C8orf34: variants seen among roughly 807,000 people sequenced by gnomAD.
C8orf34 encodes the protein chromosome 8 open reading frame 34, also known as uncharacterized protein C8orf34.
Under a neutral mutation model 68.3 loss-of-function variants are expected in C8orf34, and 65 were observed. The ratio of observed to expected loss-of-function variants is 0.95; its 90% CI spans 0.78 to 1.17. The LOEUF (loss-of-function observed/expected upper bound fraction) is 1.17. C8orf34 is among the 50% of genes most tolerant of loss of function. C8orf34 has a pLI of 0.00. For missense variants in C8orf34, 664 were observed against 655.4 expected (o/e 1.01, Z -0.14); for synonymous variants, 244 against 241.2 (o/e 1.01, Z -0.11).
At chr8:68,623,128 C>G (rs1171769013) in intron 7 of C8orf34, among the ~76,000 whole-genome samples, 3 of 152,202 alleles carry the variant, frequency 2.0e-5, no homozygotes, top group African/African-American at 7.2e-5. Flanking sequence ...AGATTAAACT[C>G]TATTAACCAA....
At chr8:68,602,238 T>TG (rs142074795) in intron 7 of C8orf34, among the ~76,000 whole-genome samples, 2,169 of 152,236 alleles carry the variant, frequency 0.014, 49 homozygotes, top group African/African-American at 0.05. Flanking sequence ...TTGATATCGA[T>TG]GGGGGTGGAG....
intron 1 of C8orf34, among the ~76,000 whole-genome samples, chr8:68,376,978 G>T (rs1352144971): frequency 6.6e-6 from 1 of 152,156 alleles, no homozygotes; most frequent in Admixed American, 6.5e-5. Flanking sequence ...TTTCCCAGTG[G>T]AGCAACGGAT....
In C8orf34 at chr8:68,607,846, T is replaced by G. The variant is rs965626500; in HGVS notation, c.1106-32530T>G. Among the ~76,000 whole-genome samples the G allele has an allele frequency of 2.0e-5, 3 of 152,208 alleles. No homozygotes were observed. The East Asian group carries it at 5.8e-4, about 29-fold the overall frequency. ...GGTAGCATATGTGTGTAGTCTTGAT[T>G]ATGTTTTGGCAAAGGTCATAGCTAA... On this transcript the variant is annotated intron_variant, in intron 7 of 13. Coordinates refer to ENST00000518698, the MANE Select transcript of C8orf34 (RefSeq NM_052958.4).
intron 1 of C8orf34, among the ~76,000 whole-genome samples, chr8:68,423,201 T>A (rs1400609894): frequency 1.3e-5 from 2 of 152,190 alleles, no homozygotes; most frequent in Non-Finnish European, 2.9e-5. Context: ...TTCCCTTCTA[T>A]CACATTGTCA....
chr8:68,399,455 C>T (rs1321422743), intron 1 of C8orf34, among the ~76,000 whole-genome samples: 1 of 152,010 alleles, frequency 6.6e-6, no homozygotes, highest in Non-Finnish European at 1.5e-5. Flanking sequence ...AGATAATGGC[C>T]CCCAGTTCCA....
chr8:68,660,085 G>A (rs951703175), intron 8 of C8orf34, among the ~76,000 whole-genome samples: 10 of 152,226 alleles, frequency 6.6e-5, no homozygotes, highest in African/African-American at 2.4e-4. Flanking sequence ...CAGTCTGGGG[G>A]ATTCATCCAA....
At chr8:68,461,864 T>C (rs912803380) in intron 3 of C8orf34, among the ~76,000 whole-genome samples, 1 of 152,170 alleles carries the variant, frequency 6.6e-6, no homozygotes, top group Non-Finnish European at 1.5e-5. Flanking sequence ...CCATCAAGGC[T>C]AGGAAGAAAC....
chr8:68,468,871 C>G, intron 4 of C8orf34, 51 bp downstream of exon 4: 4 of 1,566,162 alleles, frequency 2.6e-6, no homozygotes, highest in Non-Finnish European at 3.5e-6. Flanking sequence ...ATATTAAAGC[C>G]GAAGCATTCA....
At chr8:68,635,578 C>T (rs67671284) in intron 7 of C8orf34, among the ~76,000 whole-genome samples, 24,405 of 152,144 alleles carry the variant, frequency 0.16, 2,363 homozygotes, top group East Asian at 0.26. Context: ...TACCCTAAAT[C>T]ATAGAAGTAT....
intron 1 of C8orf34, among the ~76,000 whole-genome samples, chr8:68,350,709 G>A (rs139816404): frequency 2.5e-4 from 38 of 151,944 alleles, no homozygotes; most frequent in African/African-American, 6.3e-4. Context: ...CTTTTTTGAT[G>A]TTTGTTGGTT....
intron 1 of C8orf34, among the ~76,000 whole-genome samples, chr8:68,392,264 T>C (rs1563400494): frequency 6.6e-6 from 1 of 151,984 alleles, no homozygotes; most frequent in African/African-American, 2.4e-5. Context: ...ATTTTATTTC[T>C]GTCTATAGAG....
At chr8:68,469,952 GTGTGTA>G (rs1160938333) in intron 4 of C8orf34, among the ~76,000 whole-genome samples, 1 of 151,688 alleles carries the variant, frequency 6.6e-6, no homozygotes, top group Non-Finnish European at 1.5e-5. Context: ...GTGTGTGTGT[GTGTGTA>G]TGTGTGTACA....
At chr8:68,517,002 C>T (rs1053310268) in intron 5 of C8orf34, among the ~76,000 whole-genome samples, 3 of 152,032 alleles carry the variant, frequency 2.0e-5, no homozygotes, top group African/African-American at 7.3e-5. Context: ...GACCTCTATA[C>T]TTGAAAGGGC....
rs140248644 is a variant in C8orf34, at chr8:68,578,922, A to T, written c.1105+45773A>T. 6.8e-3 allele frequency among the ~76,000 whole-genome samples: 1,036 copies of T among 152,238 alleles called. 10 individuals are homozygous for T. Among genetic ancestry groups the T allele is most frequent in the African/African-American group, 0.023 (967 of 41,536 alleles). On this transcript the variant is annotated intron_variant, in intron 7 of 13. Transcript: ENST00000518698. ...CCTAGCCATACTCCTTTTGCTTTCC[A>T]ATTTGGAGAATTTACAAGTATCAAT...
intron 8 of C8orf34, among the ~76,000 whole-genome samples, chr8:68,653,629 T>C (rs540712265): frequency 6.6e-6 from 1 of 152,322 alleles, no homozygotes; most frequent in East Asian, 1.9e-4. Flanking sequence ...TGCAAACTTC[T>C]TTGTGTATCC....
chr8:68,330,552 G>A (rs1805521419), upstream of C8orf34, among the ~76,000 whole-genome samples: 1 of 152,192 alleles, frequency 6.6e-6, no homozygotes. Context: ...GGCAGAAGGT[G>A]CTGAGGAGAG....
At position 68,356,156 on chromosome 8, in the gene C8orf34, C is replaced by A. The variant is rs558282511; in HGVS notation, c.327+24817C>A. Among the ~76,000 whole-genome samples, 31 of 152,254 alleles carry A rather than the reference C, an allele frequency of 2.0e-4. No homozygotes were observed. In the South Asian group the frequency reaches 6.2e-3, roughly 31 times the overall value. On this transcript the variant is annotated intron_variant, in intron 1 of 13. Transcript: ENST00000518698. ...CGTTTATGAATGAAAAATATCAGGG[C>A]AAGCCTGTCAAATCTGAAATGTATG...
chr8:68,699,821 T>C (rs1406742901), intron 8 of C8orf34, among the ~76,000 whole-genome samples: 1 of 152,078 alleles, frequency 6.6e-6, no homozygotes, highest in African/African-American at 2.4e-5. Flanking sequence ...CCACCATGCA[T>C]ATATAAAAGG....
At chr8:68,816,040 C>T in intron 13 of C8orf34, 95 bp downstream of exon 13, 1 of 1,596,420 alleles carries the variant, frequency 6.3e-7, no homozygotes, top group Admixed American at 1.7e-5. Context: ...ACGTAGTCCT[C>T]ATGACCTCTA....
Sources: allele counts gnomAD v4.1 joint callset (sites outside exome capture counted in the v4.1 genomes callset), GRCh38; gene constraint gnomAD v4.1.1; transcripts MANE v1.5; gene names NCBI Gene and HGNC (gene_info 2026-07-23, HGNC 2026-07-21).